The following GSE1 variants were observed in gnomAD, a reference collection of about 807,000 sequenced individuals.
The protein encoded by GSE1 is genetic suppressor element 1.
In GSE1, 32 loss-of-function variants were observed where a neutral mutation model predicts 112.6. The observed-to-expected ratio is 0.28, with a 90% CI of 0.21 to 0.38. The LOEUF is 0.38. Among genes scored for constraint, GSE1 ranks in the 10% least tolerant of loss-of-function variants. The pLI, the probability that GSE1 is intolerant of heterozygous loss-of-function variation, is 1.00. For missense variants in GSE1, 2,348 were observed against 1,699.2 expected, an observed-to-expected ratio of 1.38 and a Z score of -6.71; for synonymous variants, 1,115 against 735.6, an observed-to-expected ratio of 1.52 and a Z score of -8.35.
At chr16:85,447,577 G>A (rs761451346) in intron 2 of GSE1, among the ~76,000 whole-genome samples, 12 of 152,334 alleles carry the variant, frequency 7.9e-5, no homozygotes, top group Middle Eastern at 3.4e-3. Flanking sequence ...TGGGCCAGGC[G>A]CCTGCTCCGT....
intron 1 of GSE1, among the ~76,000 whole-genome samples, chr16:85,324,493 G>A (rs1184997145): frequency 2.8e-5 from 4 of 144,366 alleles, no homozygotes; most frequent in African/African-American, 8.0e-5. Context: ...CTGGGTGACA[G>A]AGCGAGACTC....
In GSE1 at chr16:85,629,384, C is replaced by T. The variant is rs150906683; in HGVS notation, c.8-4530C>T. Among the ~76,000 whole-genome samples the T allele has an allele frequency of 6.2e-4, 94 of 152,306 alleles. No homozygotes were observed. The South Asian group carries it at 0.011, about 17-fold the overall frequency. ...GGCATCTGCTCCCAGACCTTCAGGGCGGGTCACCTGGAGGTGAAATGACCA... is the reference window on the plus strand; with the variant it reads ...GGCATCTGCTCCCAGACCTTCAGGGTGGGTCACCTGGAGGTGAAATGACCA... On this transcript the variant is annotated intron_variant, in intron 1 of 15. Coordinates refer to ENST00000253458, the MANE Select transcript of GSE1 (RefSeq NM_014615.5).
At chr16:85,306,959 C>T (rs1420026308) in intron 1 of GSE1, among the ~76,000 whole-genome samples, 1 of 152,236 alleles carries the variant, frequency 6.6e-6, no homozygotes, top group African/African-American at 2.4e-5. Flanking sequence ...GTGACACATC[C>T]AGCGCTGTGC....
intron 1 of GSE1, among the ~76,000 whole-genome samples, chr16:85,332,898 C>T (rs1266698406): frequency 6.6e-6 from 1 of 152,070 alleles, no homozygotes; most frequent in Non-Finnish European, 1.5e-5. Flanking sequence ...CACCTCAGAA[C>T]CCCCCTTTAT....
At chr16:85,553,608 G>A (rs1260641847), upstream of GSE1, among the ~76,000 whole-genome samples, 1 of 152,030 alleles carries the variant, frequency 6.6e-6, no homozygotes, top group Non-Finnish European at 1.5e-5. Flanking sequence ...GTCGAGCCCC[G>A]GAGGAAGGCG....
chr16:85,661,172 G>C lies in GSE1; in HGVS notation c.1667G>C (p.Gly556Ala). 1 of 1,593,750 alleles carries C rather than the reference G, an allele frequency of 6.3e-7. No homozygotes were observed. The change falls in exon 9 of 16, where the codon GGT becomes GCT. Residue 556 changes from glycine to alanine, a missense_variant. Transcript: ENST00000253458. ...TRPGPNRHEPGGRDPPQHFGG... is the reference protein window; with the variant it reads ...TRPGPNRHEPAGRDPPQHFGG... ...CCAGGACCAAACCGTCACGAGCCAG[G>C]TGGCCGTGACCCTCCGCAGCACTTT...
intron 1 of GSE1, among the ~76,000 whole-genome samples, chr16:85,619,740 C>T (rs1483925911): frequency 1.3e-5 from 2 of 152,136 alleles, no homozygotes; most frequent in Non-Finnish European, 2.9e-5. Context: ...GGTGGGGGGA[C>T]GTTTTCACCC....
At chr16:85,470,036 C>T (rs1053782464) in intron 2 of GSE1, among the ~76,000 whole-genome samples, 2 of 152,244 alleles carry the variant, frequency 1.3e-5, no homozygotes, top group Non-Finnish European at 2.9e-5. Context: ...GCCACCCCCT[C>T]CACTGCCCAG....
intron 1 of GSE1, among the ~76,000 whole-genome samples, chr16:85,214,426 C>T (rs145376198): frequency 1.5e-3 from 231 of 152,232 alleles, no homozygotes; most frequent in African/African-American, 4.9e-3. Flanking sequence ...AGGCAGAGGT[C>T]GGAGTGATGC....
At chr16:85,230,937 A>G (rs1009129915) in intron 1 of GSE1, among the ~76,000 whole-genome samples, 5 of 151,266 alleles carry the variant, frequency 3.3e-5, no homozygotes, top group Non-Finnish European at 5.9e-5. Flanking sequence ...GAATGAATGG[A>G]TGGACAGACG....
In GSE1 at chr16:85,651,907, G is replaced by A. The variant is rs144371267; in HGVS notation, c.427-2371G>A. Among the ~76,000 whole-genome samples the A allele has an allele frequency of 2.6e-5, 4 of 152,346 alleles. No homozygotes were observed. The East Asian group carries it at 5.8e-4, about 22-fold the overall frequency. On this transcript the variant is annotated intron_variant, in intron 3 of 15. Coordinates refer to ENST00000253458, the MANE Select transcript of GSE1 (RefSeq NM_014615.5). Reference sequence around the variant, plus strand: ...ATGCTGGGGGGCCAGGGGCCACTCCGTCTTGTTAAGTCCATCCCAGACCCT... The same window carrying A: ...ATGCTGGGGGGCCAGGGGCCACTCCATCTTGTTAAGTCCATCCCAGACCCT...
At chr16:85,380,177 G>A (rs11149738) in intron 2 of GSE1, among the ~76,000 whole-genome samples, 126,264 of 152,208 alleles carry the variant, frequency 0.83, 53,596 homozygotes, top group Middle Eastern at 0.94. Context: ...CCAGCTGGGC[G>A]GGCAGGGCTC....
At chr16:85,349,641 G>A (rs781383676) in intron 1 of GSE1, among the ~76,000 whole-genome samples, 4 of 152,236 alleles carry the variant, frequency 2.6e-5, no homozygotes, top group Non-Finnish European at 4.4e-5. Flanking sequence ...GGAAGGGACT[G>A]TCTTTCCCCC....
At chr16:85,542,171 G>C (rs1348221955) in intron 2 of GSE1, among the ~76,000 whole-genome samples, 1 of 152,230 alleles carries the variant, frequency 6.6e-6, no homozygotes, top group African/African-American at 2.4e-5. Context: ...GGAATTTGTA[G>C]AGTCAGGGCT....
At chr16:85,458,345 C>A (rs1027380322) in intron 2 of GSE1, among the ~76,000 whole-genome samples, 5 of 152,246 alleles carry the variant, frequency 3.3e-5, no homozygotes, top group African/African-American at 1.2e-4. Flanking sequence ...TAAATGAGGC[C>A]CTGCTTGGAG....
chr16:85,620,886 G>T (rs118087509), intron 1 of GSE1, among the ~76,000 whole-genome samples: 4 of 152,102 alleles, frequency 2.6e-5, no homozygotes, highest in Non-Finnish European at 4.4e-5. Context: ...CCGTTTAGAG[G>T]GTCTCGGCCC....
At chr16:85,526,741 C>G (rs2052376762) in intron 2 of GSE1, among the ~76,000 whole-genome samples, 1 of 152,314 alleles carries the variant, frequency 6.6e-6, no homozygotes, top group Middle Eastern at 3.4e-3. Flanking sequence ...CCTCTCCCCT[C>G]ACTTCTGATG....
At chr16:85,300,979 A>C (rs1410593973) in intron 1 of GSE1, among the ~76,000 whole-genome samples, 1 of 152,122 alleles carries the variant, frequency 6.6e-6, no homozygotes, top group African/African-American at 2.4e-5. Flanking sequence ...GGGGTGTGGG[A>C]TGGCAGCATT....
At chr16:85,220,719 G>T (rs897076153) in intron 1 of GSE1, among the ~76,000 whole-genome samples, 1 of 152,088 alleles carries the variant, frequency 6.6e-6, no homozygotes, top group Non-Finnish European at 1.5e-5. Flanking sequence ...GTGCTCTCTC[G>T]CGCTCTCTGC....
Sources: allele counts gnomAD v4.1 joint callset (sites outside exome capture counted in the v4.1 genomes callset), GRCh38; gene constraint gnomAD v4.1.1; transcripts MANE v1.5; gene names NCBI Gene and HGNC (gene_info 2026-07-23, HGNC 2026-07-21).